Variants in PTPRE observed in about 807,000 individuals in gnomAD.
The protein encoded by PTPRE is protein tyrosine phosphatase receptor type E, also known as receptor-type tyrosine-protein phosphatase epsilon.
In PTPRE, 51 loss-of-function variants were observed where a neutral mutation model predicts 102.0. The ratio of observed to expected loss-of-function variants is 0.50; its 90% confidence interval spans 0.40 to 0.63. The LOEUF (loss-of-function observed/expected upper bound fraction) is 0.63, where lower values mean the gene tolerates loss of function less well. Ranked by LOEUF, PTPRE falls within the 30% of genes least tolerant of loss-of-function variation. The probability of loss-of-function intolerance (pLI) is 0.00; values close to 1 mark genes in which losing one functional copy is unlikely to be tolerated. For missense variants in PTPRE, 752 were observed against 915.1 expected, an observed-to-expected ratio of 0.82 and a Z score of 2.30; for synonymous variants, 345 against 348.2, an observed-to-expected ratio of 0.99 and a Z score of 0.10.
chr10:127,937,463 T>C, intron 1 of PTPRE, among the ~76,000 whole-genome samples: 1 of 152,160 alleles, frequency 6.6e-6, no homozygotes, highest in East Asian at 1.9e-4. Context: ...GGATGGCATT[T>C]TACACATGAA....
Position 128,082,967 on chromosome 10 carries a change from T to C in PTPRE, c.*61T>C. The stretch of plus-strand genomic sequence containing the variant: ...TCAGTATATTTTGTAAAAATCATGT[T>C]AATTTATTTCATAGTTGACATTAAT... On this transcript the variant is annotated 3_prime_UTR_variant, in exon 21 of 21. Coordinates refer to ENST00000254667, the MANE Select transcript of PTPRE (RefSeq NM_006504.6). 1 of 1,398,092 alleles carries C rather than the reference T, an allele frequency of 7.2e-7. No homozygotes were observed. The allele number at this position is 1,398,092 out of a possible 1,614,324, so 86.6% of individuals were successfully genotyped here.
chr10:127,956,033 C>T (rs183701109), intron 1 of PTPRE, among the ~76,000 whole-genome samples: 7 of 152,210 alleles, frequency 4.6e-5, no homozygotes, highest in Admixed American at 1.3e-4. Context: ...GTACACAAAT[C>T]GAAACTATAT....
intron 1 of PTPRE, among the ~76,000 whole-genome samples, chr10:127,955,814 T>TA (rs1849361419): frequency 6.6e-6 from 1 of 152,290 alleles, no homozygotes; most frequent in East Asian, 1.9e-4. Flanking sequence ...TCAGAAAACT[T>TA]ACAATCATGG....
At chr10:127,908,861 T>G (rs999357157) in intron 1 of PTPRE, among the ~76,000 whole-genome samples, 3 of 152,222 alleles carry the variant, frequency 2.0e-5, no homozygotes, top group Non-Finnish European at 2.9e-5. Flanking sequence ...AGCTAGGAGC[T>G]AGATTTGTCT....
chr10:127,951,215 G>C (rs7914166), intron 1 of PTPRE, among the ~76,000 whole-genome samples: 21,293 of 152,186 alleles, frequency 0.14, 1,663 homozygotes, highest in East Asian at 0.24. Flanking sequence ...GAGAGTCGTG[G>C]CTCCTCAATG....
intron 1 of PTPRE, among the ~76,000 whole-genome samples, chr10:127,911,652 G>T (rs993248764): frequency 6.6e-6 from 1 of 152,184 alleles, no homozygotes; most frequent in Non-Finnish European, 1.5e-5. Context: ...CCACCACTGG[G>T]CAGGAAGGGC....
chr10:128,035,861 G>C (rs913696494), intron 2 of PTPRE, among the ~76,000 whole-genome samples: 2 of 152,180 alleles, frequency 1.3e-5, no homozygotes, highest in African/African-American at 4.8e-5. Flanking sequence ...AGGTGCCGGA[G>C]AGAAAGTCAG....
At chr10:128,048,780 G>T (rs1848310505) in intron 5 of PTPRE, among the ~76,000 whole-genome samples, 1 of 152,190 alleles carries the variant, frequency 6.6e-6, no homozygotes, top group African/African-American at 2.4e-5. Context: ...TTGGAGGAAT[G>T]AGTCTTGGGT....
chr10:127,960,303 C>A lies in PTPRE; in HGVS notation c.-30-21971C>A, dbSNP rs190607602. Among the ~76,000 whole-genome samples the A allele has an allele frequency of 1.2e-4, 18 of 152,290 alleles. No homozygotes were observed. The East Asian group carries it at 2.7e-3, about 23-fold the overall frequency. ...ATACTGCAGACACCCAGCAAGTGAG[C>A]GCTGAGTTAGATTCCAGAGAGAGAG... On this transcript the variant is annotated intron_variant, in intron 1 of 20. Coordinates refer to ENST00000254667, the MANE Select transcript of PTPRE (RefSeq NM_006504.6).
intron 1 of PTPRE, among the ~76,000 whole-genome samples, chr10:127,908,638 G>A (rs141042709): frequency 6.6e-6 from 1 of 152,170 alleles, no homozygotes; most frequent in Non-Finnish European, 1.5e-5. Context: ...CATTTGGGGA[G>A]CAAAAGGTCA....
At chr10:128,063,668 C>T (rs748518797) in intron 10 of PTPRE, among the ~76,000 whole-genome samples, 9 of 152,322 alleles carry the variant, frequency 5.9e-5, no homozygotes, top group South Asian at 4.1e-4. Context: ...GATGCATGTA[C>T]GTTATAAGAA....
In PTPRE at chr10:128,008,398, C is replaced by A. The variant is rs1262337162; in HGVS notation, c.-8+26102C>A. ...CAAGCTCTCTCTGGACCTGAAAAAG[C>A]CTCCCATCAAGGAGAGAAATCCTAG... On this transcript the variant is annotated intron_variant, in intron 2 of 20. Transcript: ENST00000254667. This position sits in a 1 kb window ranked among gnomAD's most constrained non-coding sequence, Gnocchi z 4.0. 2.0e-5 allele frequency among the ~76,000 whole-genome samples: 3 copies of A among 152,188 alleles called. No homozygotes were observed. The highest frequency in any genetic ancestry group is 4.4e-5 in the Non-Finnish European group (3 of 68,042).
intron 2 of PTPRE, among the ~76,000 whole-genome samples, chr10:127,987,120 G>A (rs58852093): frequency 0.038 from 5,811 of 152,144 alleles, 373 homozygotes; most frequent in African/African-American, 0.13. Context: ...CCTCCCCCCG[G>A]AAAGTTTCCA....
intron 1 of PTPRE, among the ~76,000 whole-genome samples, chr10:127,948,556 G>C (rs866402730): frequency 6.6e-6 from 1 of 152,002 alleles, no homozygotes; most frequent in South Asian, 2.1e-4. Flanking sequence ...TTTTTTTACT[G>C]TCTCCATAGT....
Position 128,070,071 on chromosome 10 carries a change from C to G in PTPRE, c.1144-230C>G. On this transcript the variant is annotated intron_variant, in intron 13 of 20. Transcript: ENST00000254667. The surrounding 1 kb of genome is among the most constrained non-coding windows in gnomAD (Gnocchi z 4.8). Reference sequence around the variant, plus strand: ...CCTACTCCCCCAAACGGTGCATGTACACAGTGCGTGGCGTGCTCACCAATG... The same window carrying G: ...CCTACTCCCCCAAACGGTGCATGTAGACAGTGCGTGGCGTGCTCACCAATG... 1 of 692,986 alleles carries G rather than the reference C, an allele frequency of 1.4e-6. No individual in the cohort carries two copies. Among genetic ancestry groups the G allele is most frequent in the Non-Finnish European group, 2.4e-6 (1 of 419,432 alleles). 42.9% of individuals were successfully genotyped at this position (692,986 alleles called of 1,614,324 possible).
intron 2 of PTPRE, among the ~76,000 whole-genome samples, chr10:128,007,425 TG>T (rs1188425947): frequency 6.6e-6 from 1 of 152,304 alleles, no homozygotes; most frequent in Non-Finnish European, 1.5e-5. Flanking sequence ...AAATAATCCA[TG>T]GATATTATTT....
chr10:127,914,831 G>A (rs1012403630), intron 1 of PTPRE, among the ~76,000 whole-genome samples: 1 of 152,142 alleles, frequency 6.6e-6, no homozygotes, highest in Non-Finnish European at 1.5e-5. Context: ...TGTGAGCCCT[G>A]CTTGCTGGGC....
chr10:127,952,023 G>T (rs981422605), intron 1 of PTPRE, among the ~76,000 whole-genome samples: 1 of 152,094 alleles, frequency 6.6e-6, no homozygotes, highest in Non-Finnish European at 1.5e-5. Flanking sequence ...CTCCATCCTT[G>T]TCCAGAAGGC....
In PTPRE at chr10:128,062,991, G is replaced by A. The variant is rs1001587688; in HGVS notation, c.626-92G>A. ...AAGCCTGAGAAGGGAGTGAACAGCT[G>A]TCCAGGGGCCAACGGCCAGGGTGCC... On this transcript the variant is annotated intron_variant, in intron 9 of 20. Coordinates refer to ENST00000254667, the MANE Select transcript of PTPRE (RefSeq NM_006504.6). 7.6e-6 allele frequency: 12 copies of A among 1,569,018 alleles called. No homozygotes were observed. In the African/African-American group the frequency reaches 1.1e-4, roughly 14 times the overall value.
Sources: gnomAD v4.1 joint callset for allele counts (sites outside exome capture counted in the v4.1 genomes callset) on GRCh38, gnomAD v4.1.1 for gene constraint, Gnocchi (gnomAD v3.1) non-coding constraint, MANE v1.5 for transcripts, NCBI Gene and HGNC (gene_info 2026-07-23, HGNC 2026-07-21) for gene names.